Variants in ATP13A3 observed in about 807,000 individuals in gnomAD.
The protein encoded by ATP13A3 is ATPase 13A3.
ATP13A3 carries 59 observed loss-of-function variants against 158.1 expected under a neutral mutation model. That is an observed-to-expected ratio of 0.37 (90% CI 0.30 to 0.46). The LOEUF (loss-of-function observed/expected upper bound fraction) is 0.46. Among genes scored for constraint, ATP13A3 ranks in the 20% least tolerant of loss-of-function variants. The pLI is 1.00. For missense variants in ATP13A3, 1,166 were observed against 1,525.2 expected (o/e 0.76, Z 3.92); for synonymous variants, 491 against 504.3 (o/e 0.97, Z 0.35).
At position 194,447,894 on chromosome 3, in the gene ATP13A3, G is replaced by T; in HGVS notation, c.1266C>A (p.Gly422=). 1 of 1,611,714 alleles carries T rather than the reference G, an allele frequency of 6.2e-7. No homozygotes were observed. Among genetic ancestry groups the T allele is most frequent in the South Asian group, 1.1e-5 (1 of 91,010 alleles). Residue 422 remains glycine (G), a synonymous_variant, in exon 13 of 34, where the codon GGC becomes GGA. Transcript: ENST00000645319. ...TAATAATAGTGTAGATAAACCCAAT[G>T]CCAGCAACTGCCACAAGACATAGTA... is the stretch of plus-strand genomic sequence containing the variant. ...LFLLCLVAVA[G]IGFIYTIINS...
At chr3:194,451,670 C>A (rs1718817817) in intron 10 of ATP13A3, 2 of 152,380 alleles carry the variant, frequency 1.3e-5, no homozygotes, top group Non-Finnish European at 2.9e-5. Flanking sequence ...ATTTGGTGTT[C>A]TGAGTAAATC....
intron 6 of ATP13A3, among the ~76,000 whole-genome samples, chr3:194,458,604 T>C (rs1241279272): frequency 6.6e-6 from 1 of 152,180 alleles, no homozygotes; most frequent in Non-Finnish European, 1.5e-5. Context: ...GCCAGGCTGG[T>C]CTTGAACTCC....
chr3:194,455,929 T>G lies in ATP13A3; in HGVS notation c.594A>C (p.Val198=). 6.4e-7 allele frequency: 1 copy of G among 1,554,948 alleles called. No homozygotes were observed. Among genetic ancestry groups the G allele is most frequent in the Non-Finnish European group, 8.8e-7 (1 of 1,142,712 alleles). Residue 198 remains valine (V), a synonymous_variant, in exon 8 of 34, where the codon GTA becomes GTC. Coordinates refer to ENST00000645319, the MANE Select transcript of ATP13A3 (RefSeq NM_001367549.1). ...KLLYGVNEIA[V]KVPSVFKLLI... ...GAAGCTTAAAAACAGAAGGCACTTT[T>G]ACAGCAATTTCATTTACTCCATAAA...
chr3:194,459,788 C>T lies in ATP13A3; in HGVS notation c.408+1G>A. 2.5e-6 allele frequency: 4 copies of T among 1,604,060 alleles called. No individual in the cohort carries two copies. The highest frequency in any genetic ancestry group is 1.7e-4 in the Middle Eastern group (1 of 5,986). On this transcript the variant is annotated splice_donor_variant, in intron 5 of 33. Transcript: ENST00000645319. LOFTEE classifies it high-confidence loss of function. ...AAACTTTGACATTAAGATCACAATA[C>T]CTGTTGTGATTCAGTCTGTGAATAT... is the stretch of plus-strand genomic sequence containing the variant.
At position 194,431,766 on chromosome 3, in the gene ATP13A3, T is replaced by C. The variant is rs1231002324; in HGVS notation, c.2372A>G (p.Tyr791Cys). ...DGKVAKINWHYADSLTQCSHP... is the reference protein window; with the variant it reads ...DGKVAKINWHCADSLTQCSHP... ...ACTGCACTGCGTGAGGGAGTCTGCA[T>C]AATGCCAATTTATTTTGGCAACTTT... The change falls in exon 22 of 34, where the codon TAT becomes TGT. Residue 791 changes from tyrosine to cysteine, a missense_variant. Physicochemically the swap from Tyr to Cys is radical, Grantham distance 194 (BLOSUM62 -2). This residue lies in a region of ATP13A3 where 997 missense variants were observed against 1,341.2 expected (regional missense o/e 0.74). Coordinates refer to ENST00000645319, the MANE Select transcript of ATP13A3 (RefSeq NM_001367549.1). The C allele has an allele frequency of 6.2e-7, 1 of 1,613,046 alleles. No individual in the cohort carries two copies. The highest frequency in any genetic ancestry group is 8.5e-7 in the Non-Finnish European group (1 of 1,179,660).
intron 2 of ATP13A3, chr3:194,468,174 G>C (rs1720106954): frequency 6.6e-6 from 1 of 152,036 alleles, no homozygotes; most frequent in Non-Finnish European, 1.5e-5. Flanking sequence ...CCAATTTTTA[G>C]TAAGTTTTCA....
Position 194,403,514 on chromosome 3 carries a change from T to G in ATP13A3, c.*2405A>C, listed in dbSNP as rs1024011083. ...AAAGTTAAAAAGTTACATATCATTATTTAACAATTACTTTCCCAGACATTT... is the reference window on the plus strand; with the variant it reads ...AAAGTTAAAAAGTTACATATCATTAGTTAACAATTACTTTCCCAGACATTT... On this transcript the variant is annotated 3_prime_UTR_variant, in exon 34 of 34. Coordinates refer to ENST00000645319, the MANE Select transcript of ATP13A3 (RefSeq NM_001367549.1). 1 of 152,246 alleles carries G rather than the reference T, an allele frequency of 6.6e-6. No homozygotes were observed. Among genetic ancestry groups the G allele is most frequent in the Non-Finnish European group, 1.5e-5 (1 of 68,034 alleles). The allele number at this position is 152,246 out of a possible 1,614,324, so 9.4% of individuals were successfully genotyped here. A position where few individuals can be genotyped will look rare whatever the true frequency, so the allele number is the denominator to read the frequency against.
At chr3:194,415,637 T>C (rs1715777757) in intron 31 of ATP13A3, among the ~76,000 whole-genome samples, 2 of 150,948 alleles carry the variant, frequency 1.3e-5, no homozygotes, top group South Asian at 4.2e-4. Context: ...AACTGAAGTG[T>C]GCAAGGATTT....
At chr3:194,437,689 T>G in intron 17 of ATP13A3, 116 bp from the exon 18 acceptor site, 1 of 1,108,376 alleles carries the variant, frequency 9.0e-7, no homozygotes, top group Non-Finnish European at 1.3e-6. Flanking sequence ...AACAAGCAAC[T>G]GTTTTTCAAA....
At chr3:194,465,017 T>G (rs1719904439) in intron 2 of ATP13A3, among the ~76,000 whole-genome samples, 2 of 152,152 alleles carry the variant, frequency 1.3e-5, no homozygotes, top group Admixed American at 1.3e-4. Context: ...ATATGGAGAC[T>G]TCTGCTTCCA....
intron 30 of ATP13A3, 63 bp downstream of exon 30, chr3:194,425,279 T>A: frequency 7.2e-7 from 1 of 1,389,980 alleles, no homozygotes; most frequent in Non-Finnish European, 1.0e-6. Context: ...TTATAATTAT[T>A]CTCTTCTACA....
chr3:194,441,580 C>T (rs1175759472), intron 15 of ATP13A3, 119 bp from the exon 16 acceptor site: 7 of 885,936 alleles, frequency 7.9e-6, no homozygotes, highest in Non-Finnish European at 1.2e-5. Flanking sequence ...ATCTGAGCTC[C>T]TAAGAAAGAG....
upstream of ATP13A3, among the ~76,000 whole-genome samples, chr3:194,491,335 A>G (rs997545541): frequency 2.6e-5 from 4 of 152,002 alleles, no homozygotes; most frequent in African/African-American, 9.7e-5. Flanking sequence ...AGACGCTGTC[A>G]CCCAAACAAC....
intron 33 of ATP13A3, among the ~76,000 whole-genome samples, chr3:194,408,588 G>A (rs1208673886): frequency 2.6e-5 from 4 of 152,078 alleles, no homozygotes; most frequent in African/African-American, 9.7e-5. Flanking sequence ...TAACTGAATA[G>A]GATTCTTTTT....
At position 194,450,292 on chromosome 3, in the gene ATP13A3, G is replaced by C. The variant is rs749925074; in HGVS notation, c.839-16C>G. On this transcript the variant is annotated splice_polypyrimidine_tract_variant and intron_variant, in intron 10 of 33. Coordinates refer to ENST00000645319, the MANE Select transcript of ATP13A3 (RefSeq NM_001367549.1). ...TCTTCTATTTCTGAAATTAAAGAAA[G>C]AAAGAAAAATCTGAAAAAGATATTC... The C allele has an allele frequency of 2.5e-6, 4 of 1,604,230 alleles. No individual in the cohort carries two copies. The South Asian group carries it at 4.4e-5, about 18-fold the overall frequency.
intron 31 of ATP13A3, among the ~76,000 whole-genome samples, chr3:194,416,622 G>T (rs1715875089): frequency 6.6e-6 from 1 of 152,164 alleles, no homozygotes; most frequent in South Asian, 2.1e-4. Context: ...ACAAGAGTAA[G>T]ACAAGGATAT....
At chr3:194,472,021 T>A (rs959207357) in intron 2 of ATP13A3, 12 of 152,530 alleles carry the variant, frequency 7.9e-5, no homozygotes, top group African/African-American at 2.4e-5. Context: ...GAGGCTCACT[T>A]CTGCAGGCAA....
At position 194,471,455 on chromosome 3, in the gene ATP13A3, G is replaced by A. The variant is rs556439644; in HGVS notation, c.-46-9219C>T. On this transcript the variant is annotated intron_variant, in intron 2 of 33. Coordinates refer to ENST00000645319, the MANE Select transcript of ATP13A3 (RefSeq NM_001367549.1). ...TGCAACCTCTGCCTTCCGGGTTCAA[G>A]CAATTCTCTTGCCTCGGCCTCCTGA... Among the ~76,000 whole-genome samples the A allele has an allele frequency of 1.1e-3, 161 of 152,146 alleles. 1 individual carries two copies. Among genetic ancestry groups the A allele is most frequent in the African/African-American group, 3.8e-3 (158 of 41,516 alleles).
At chr3:194,439,848 C>T in intron 16 of ATP13A3, among the ~76,000 whole-genome samples, 1 of 152,218 alleles carries the variant, frequency 6.6e-6, no homozygotes, top group East Asian at 1.9e-4. Flanking sequence ...GATACACCAA[C>T]ACTGAACACT....
Sources: allele counts gnomAD v4.1 joint callset (sites outside exome capture counted in the v4.1 genomes callset), GRCh38; gene constraint gnomAD v4.1.1; regional missense constraint gnomAD v4.1.1; transcripts MANE v1.5; gene names NCBI Gene and HGNC (gene_info 2026-07-23, HGNC 2026-07-21).